PSIP1: variants seen among roughly 807,000 people sequenced by gnomAD.
PSIP1 encodes PC4 and SFRS1-interacting protein.
Under a neutral mutation model 74.7 loss-of-function variants are expected in PSIP1, and 19 were observed. That is an observed-to-expected ratio of 0.25 (90% CI 0.18 to 0.37). The LOEUF is 0.37. Among genes scored for constraint, PSIP1 ranks in the 10% least tolerant of loss-of-function variants. The pLI, the probability that PSIP1 is intolerant of heterozygous loss-of-function variation, is 1.00. For synonymous variants in PSIP1, 222 were observed against 195.3 expected (o/e 1.14, Z -1.14); for missense variants, 601 against 614.3 (o/e 0.98, Z 0.23).
At chr9:15,476,454 T>C (rs570137585) in intron 8 of PSIP1, among the ~76,000 whole-genome samples, 1 of 152,322 alleles carries the variant, frequency 6.6e-6, no homozygotes, top group South Asian at 2.1e-4. Context: ...GAAATGACTA[T>C]CAAGGTGAAT....
Position 15,497,733 on chromosome 9 carries a change from T to A in PSIP1, c.150-7609A>T, listed in dbSNP as rs139738724. On this transcript the variant is annotated intron_variant, in intron 3 of 15. Transcript: ENST00000380733. Reference sequence around the variant, plus strand: ...GAAATGGAAAGTAAATGCTAATGAATACATGGTTTCTTTTTGGAGAAATGA... The same window carrying A: ...GAAATGGAAAGTAAATGCTAATGAAAACATGGTTTCTTTTTGGAGAAATGA... Among the ~76,000 whole-genome samples, 1,094 of 152,226 alleles carry A rather than the reference T, an allele frequency of 7.2e-3. 13 individuals carry two copies. Among genetic ancestry groups the A allele is most frequent in the African/African-American group, 0.025 (1,023 of 41,528 alleles).
At chr9:15,490,394 G>C (rs1204867989) in intron 3 of PSIP1, among the ~76,000 whole-genome samples, 2 of 152,078 alleles carry the variant, frequency 1.3e-5, no homozygotes, top group Non-Finnish European at 2.9e-5. Flanking sequence ...CTTAAAAATG[G>C]TTACATCGCC....
At chr9:15,469,424 C>G in intron 11 of PSIP1, 88 bp from the exon 12 acceptor site, 1 of 737,366 alleles carries the variant, frequency 1.4e-6, no homozygotes, top group Non-Finnish European at 2.2e-6. Flanking sequence ...AATTAGTGGA[C>G]TTAAAAAAAA....
intron 3 of PSIP1, among the ~76,000 whole-genome samples, chr9:15,494,958 C>T (rs1327594696): frequency 6.6e-6 from 1 of 152,094 alleles, no homozygotes; most frequent in Non-Finnish European, 1.5e-5. Context: ...CTGGTCAGAA[C>T]AAACCCAATT....
At chr9:15,467,374 A>G (rs1389628788) in intron 14 of PSIP1, among the ~76,000 whole-genome samples, 3 of 152,238 alleles carry the variant, frequency 2.0e-5, no homozygotes, top group South Asian at 2.1e-4. Context: ...TCATTCCCCA[A>G]TAAAGCAACA....
At chr9:15,490,393 G>A (rs966908142) in intron 3 of PSIP1, among the ~76,000 whole-genome samples, 9 of 152,090 alleles carry the variant, frequency 5.9e-5, no homozygotes, top group Non-Finnish European at 1.3e-4. Context: ...ACTTAAAAAT[G>A]GTTACATCGC....
intron 14 of PSIP1, among the ~76,000 whole-genome samples, chr9:15,467,544 A>G (rs910805247): frequency 6.6e-6 from 1 of 152,224 alleles, no homozygotes; most frequent in Admixed American, 6.5e-5. Context: ...GTGAAATGGT[A>G]TGTCAGGGAT....
rs1349585475 is a variant in PSIP1 at position 15,464,269 on chromosome 9, T to TATC, written c.*1248_*1250dup. On this transcript the variant is annotated 3_prime_UTR_variant, in exon 16 of 16. Coordinates refer to ENST00000380733, the MANE Select transcript of PSIP1 (RefSeq NM_033222.5). Reference sequence around the variant, plus strand: ...ATGCAATTCTGTAGATGAAAACAGTTATCTCAGAGGGTCAACCACACAATG... The same window carrying TATC: ...ATGCAATTCTGTAGATGAAAACAGTTATCATCTCAGAGGGTCAACCACACAATG... 5.2e-6 allele frequency: 1 copy of TATC among 193,956 alleles called. No individual in the cohort carries two copies. Among genetic ancestry groups the TATC allele is most frequent in the Non-Finnish European group, 1.1e-5 (1 of 93,062 alleles). The allele number at this position is 193,956 out of a possible 1,614,324, so 12.0% of individuals were successfully genotyped here.
chr9:15,483,439 TA>T (rs1333958427), intron 6 of PSIP1, among the ~76,000 whole-genome samples: 2 of 151,830 alleles, frequency 1.3e-5, no homozygotes, highest in Non-Finnish European at 2.9e-5. Flanking sequence ...CTACACCACT[TA>T]AAAAATCTAT....
rs545812292 is a variant in PSIP1 at position 15,505,509 on chromosome 9, AT to A, written c.149+1051del. 2.6e-5 allele frequency: 4 copies of A among 152,206 alleles called. 1 individual carries two copies. The South Asian group carries it at 8.3e-4, about 31-fold the overall frequency. 9.4% of individuals were successfully genotyped at this position (152,206 alleles called of 1,614,324 possible). A position where few individuals can be genotyped will look rare whatever the true frequency, so the allele number is the denominator to read the frequency against. On this transcript the variant is annotated intron_variant, in intron 3 of 15. Transcript: ENST00000380733. ...AAACCAATTCTGGATCCAAAGTTGT[AT>A]TTTTTTAAAAACTTATTATGAAATA...
intron 3 of PSIP1, among the ~76,000 whole-genome samples, chr9:15,493,990 A>G (rs975334926): frequency 3.3e-5 from 5 of 152,196 alleles, no homozygotes; most frequent in South Asian, 2.1e-4. Flanking sequence ...AGTGAGTCAT[A>G]TAAGTCTGTC....
At position 15,465,497 on chromosome 9, in the gene PSIP1, C is replaced by G. The variant is rs1171101574; in HGVS notation, c.*23G>C. 23 of 1,505,502 alleles carry G rather than the reference C, an allele frequency of 1.5e-5. No homozygotes were observed. Among genetic ancestry groups the G allele is most frequent in the Non-Finnish European group, 2.1e-5 (23 of 1,099,672 alleles). The allele number at this position is 1,505,502 out of a possible 1,614,324, so 93.3% of individuals were successfully genotyped here. On this transcript the variant is annotated 3_prime_UTR_variant, in exon 16 of 16. Transcript: ENST00000380733. ...AACCATTACAAACTTCTCAAGTGTT[C>G]TCTATATTCCAGGTATGTCAACCTA...
At chr9:15,494,904 T>C (rs2037005720) in intron 3 of PSIP1, among the ~76,000 whole-genome samples, 1 of 152,142 alleles carries the variant, frequency 6.6e-6, no homozygotes. Context: ...AGGTTTCAAA[T>C]TCCAAGTAAA....
intron 6 of PSIP1, among the ~76,000 whole-genome samples, chr9:15,483,959 C>G (rs2036446697): frequency 1.3e-5 from 2 of 151,842 alleles, no homozygotes; most frequent in South Asian, 4.2e-4. Context: ...GAAACCCCAT[C>G]TCTACTAAAA....
At chr9:15,480,351 C>T (rs1444912522) in intron 6 of PSIP1, among the ~76,000 whole-genome samples, 2 of 152,148 alleles carry the variant, frequency 1.3e-5, no homozygotes, top group East Asian at 1.9e-4. Flanking sequence ...GGGCTCCTTC[C>T]CCAACTCCCC....
chr9:15,465,724 AAC>A (rs974893434), intron 15 of PSIP1, 144 bp from the exon 16 acceptor site: 4 of 601,522 alleles, frequency 6.6e-6, no homozygotes, highest in African/African-American at 3.8e-5. Flanking sequence ...TTGTTATTAG[AAC>A]AGTCATTATT....
Position 15,464,203 on chromosome 9 carries a change from G to A in PSIP1, c.*1317C>T, listed in dbSNP as rs1432938861. The A allele has an allele frequency of 5.3e-6, 1 of 190,132 alleles. No individual in the cohort carries two copies. The highest frequency in any genetic ancestry group is 1.1e-5 in the Non-Finnish European group (1 of 90,486). The allele number at this position is 190,132 out of a possible 1,614,324, so 11.8% of individuals were successfully genotyped here. On this transcript the variant is annotated 3_prime_UTR_variant, in exon 16 of 16. Coordinates refer to ENST00000380733, the MANE Select transcript of PSIP1 (RefSeq NM_033222.5). Reference sequence around the variant, plus strand: ...TATATATGCAGGTTCTCTCAAAACGGTGATTCCTAGTTCCATTATAAGACC... The same window carrying A: ...TATATATGCAGGTTCTCTCAAAACGATGATTCCTAGTTCCATTATAAGACC...
At position 15,510,299 on chromosome 9, in the gene PSIP1, GA is replaced by G; in HGVS notation, c.-112del. On this transcript the variant is annotated 5_prime_UTR_variant, in exon 2 of 16. Transcript: ENST00000380733. The stretch of plus-strand genomic sequence containing the variant: ...CCAGCTACCGGGCCCGCGGGCGGGG[GA>G]GGATGCCTCGGGGCGTCCCGACGCG... 1 of 831,094 alleles carries G rather than the reference GA, an allele frequency of 1.2e-6. No individual in the cohort carries two copies. Among genetic ancestry groups the G allele is most frequent in the Non-Finnish European group, 1.8e-6 (1 of 565,756 alleles). The allele number at this position is 831,094 out of a possible 1,614,324, so 51.5% of individuals were successfully genotyped here. A position where few individuals can be genotyped will look rare whatever the true frequency, so the allele number is the denominator to read the frequency against.
intron 6 of PSIP1, among the ~76,000 whole-genome samples, chr9:15,485,651 C>G (rs1391173503): frequency 6.6e-6 from 1 of 152,160 alleles, no homozygotes; most frequent in Non-Finnish European, 1.5e-5. Flanking sequence ...ATAACACTTA[C>G]TAGTGTTTAG....
Sources: gnomAD v4.1 joint callset for allele counts (sites outside exome capture counted in the v4.1 genomes callset) on GRCh38, gnomAD v4.1.1 for gene constraint, MANE v1.5 for transcripts, NCBI Gene and HGNC (gene_info 2026-07-23, HGNC 2026-07-21) for gene names.